NUDT3: variants seen among roughly 807,000 people sequenced by gnomAD.
The protein encoded by NUDT3 is nudix hydrolase 3, also known as diphosphoinositol polyphosphate phosphohydrolase 1.
In NUDT3, 9 loss-of-function variants were observed where a neutral mutation model predicts 23.6. The ratio of observed to expected loss-of-function variants is 0.38; its 90% confidence interval spans 0.23 to 0.66. NUDT3 has a LOEUF of 0.66. NUDT3 is among the 30% of genes least tolerant of loss of function. The pLI, the probability that NUDT3 is intolerant of heterozygous loss-of-function variation, is 0.52. For missense variants in NUDT3, 172 were observed against 218.5 expected, an observed-to-expected ratio of 0.79 and a Z score of 1.34; for synonymous variants, 86 against 82.6, an observed-to-expected ratio of 1.04 and a Z score of -0.22.
chr6:34,302,030 C>CTTTA (rs546376433), intron 2 of NUDT3, among the ~76,000 whole-genome samples: 385 of 151,998 alleles, frequency 2.5e-3, no homozygotes, highest in African/African-American at 6.4e-3. Context: ...TTCTTTGTAT[C>CTTTA]TTTATTTATT....
At chr6:34,381,648 C>A (rs1049458565) in intron 1 of NUDT3, among the ~76,000 whole-genome samples, 3 of 152,142 alleles carry the variant, frequency 2.0e-5, no homozygotes, top group Non-Finnish European at 4.4e-5. Flanking sequence ...AACTGCAAAG[C>A]CTCCTAGGAA....
At chr6:34,313,721 G>C (rs577605031) in intron 2 of NUDT3, among the ~76,000 whole-genome samples, 21 of 152,094 alleles carry the variant, frequency 1.4e-4, no homozygotes, top group African/African-American at 5.1e-4. Flanking sequence ...CCAACACTTT[G>C]GGAGGCTGAG....
At chr6:34,312,983 A>G in intron 2 of NUDT3, among the ~76,000 whole-genome samples, 1 of 152,112 alleles carries the variant, frequency 6.6e-6, no homozygotes, top group East Asian at 1.9e-4. Context: ...CCTGGCCAAC[A>G]TGGCGAAACC....
At chr6:34,377,776 T>C (rs892091975) in intron 1 of NUDT3, among the ~76,000 whole-genome samples, 1 of 145,694 alleles carries the variant, frequency 6.9e-6, no homozygotes, top group Admixed American at 7.1e-5. Flanking sequence ...GAGGTGGCAG[T>C]GAGCCAAGAT....
intron 1 of NUDT3, among the ~76,000 whole-genome samples, chr6:34,387,817 A>T (rs1765132516): frequency 6.6e-6 from 1 of 152,140 alleles, no homozygotes; most frequent in Non-Finnish European, 1.5e-5. Flanking sequence ...TATAAAGTAA[A>T]AAAATTACAG....
rs1225190927 is a variant in NUDT3 at position 34,351,519 on chromosome 6, G to A, written c.100-9547C>T. Among the ~76,000 whole-genome samples the A allele has an allele frequency of 4.0e-5, 6 of 149,078 alleles. 1 individual carries two copies. The highest frequency in any genetic ancestry group is 1.5e-4 in the African/African-American group (6 of 39,788). ...CACTTTGGGAGGCCAAGGCGGGCAT[G>A]TCACCTGAGGTCAGGAGTTCGAGAC... On this transcript the variant is annotated intron_variant, in intron 1 of 4. Transcript: ENST00000607016.
chr6:34,368,788 G>A (rs1764782541), intron 1 of NUDT3, among the ~76,000 whole-genome samples: 1 of 152,048 alleles, frequency 6.6e-6, no homozygotes, highest in Admixed American at 6.5e-5. Context: ...ACAGGCTCCC[G>A]CCACCACACC....
intron 1 of NUDT3, among the ~76,000 whole-genome samples, chr6:34,347,070 C>CA (rs1764383293): frequency 6.6e-6 from 1 of 152,168 alleles, no homozygotes; most frequent in African/African-American, 2.4e-5. Flanking sequence ...TGCCCACCCA[C>CA]AAAAATTTTT....
At chr6:34,356,323 A>G (rs1764560781) in intron 1 of NUDT3, among the ~76,000 whole-genome samples, 1 of 152,218 alleles carries the variant, frequency 6.6e-6, no homozygotes, top group African/African-American at 2.4e-5. Context: ...ATAGTTGTTC[A>G]CAATATTCCC....
At chr6:34,342,304 AAAAAAAAAAAG>A (rs1764301013) in intron 1 of NUDT3, among the ~76,000 whole-genome samples, 1 of 151,100 alleles carries the variant, frequency 6.6e-6, no homozygotes, top group Admixed American at 6.6e-5. Context: ...AAAAAAAAAA[AAAAAAAAAAAG>A]AGGATTGTCA....
Position 34,383,251 on chromosome 6 carries a change from A to G in NUDT3, c.99+9013T>C, listed in dbSNP as rs115871634. On this transcript the variant is annotated intron_variant, in intron 1 of 4. Transcript: ENST00000607016. ...CATTGCTAAGCTGCTCTTACAAAAC[A>G]CATCAGAAATATGTTAAATAACCAA... Among the ~76,000 whole-genome samples, 519 of 152,340 alleles carry G rather than the reference A, an allele frequency of 3.4e-3. 5 individuals carry two copies. The highest frequency in any genetic ancestry group is 7.6e-3 in the Admixed American group (117 of 15,312).
chr6:34,365,861 G>T (rs1431239913), intron 1 of NUDT3, among the ~76,000 whole-genome samples: 1 of 152,106 alleles, frequency 6.6e-6, no homozygotes, highest in Non-Finnish European at 1.5e-5. Context: ...GGCCAACATG[G>T]TGAAAGCTCG....
chr6:34,351,609 G>A (rs749239467), intron 1 of NUDT3, among the ~76,000 whole-genome samples: 14 of 149,268 alleles, frequency 9.4e-5, no homozygotes, highest in African/African-American at 2.0e-4. Flanking sequence ...GGGCGTGGTC[G>A]TGGGCGCTTG....
intron 3 of NUDT3, 29 bp from the exon 4 acceptor site, chr6:34,293,564 G>C (rs1197685814): frequency 1.9e-6 from 3 of 1,612,440 alleles, no homozygotes; most frequent in Non-Finnish European, 2.5e-6. Flanking sequence ...AGGATAGAGA[G>C]AGTTTTTCCT....
chr6:34,376,432 C>A (rs1209034119), intron 1 of NUDT3, among the ~76,000 whole-genome samples: 3 of 152,112 alleles, frequency 2.0e-5, no homozygotes, highest in Admixed American at 6.6e-5. Context: ...GCATGCACCA[C>A]CATGCACAGC....
At chr6:34,290,235 TTCTTTC>T (rs1349117189) in intron 4 of NUDT3, among the ~76,000 whole-genome samples, 2 of 151,302 alleles carry the variant, frequency 1.3e-5, no homozygotes, top group African/African-American at 4.9e-5. Context: ...TCTTTTCTTT[TTCTTTC>T]TCTCTTTTTT....
intron 1 of NUDT3, among the ~76,000 whole-genome samples, chr6:34,355,848 G>A (rs1764553159): frequency 6.6e-6 from 1 of 152,152 alleles, no homozygotes. Flanking sequence ...CTTCCAGATA[G>A]CTGAACATGT....
At chr6:34,338,620 G>A (rs1007097646) in intron 2 of NUDT3, among the ~76,000 whole-genome samples, 1 of 152,122 alleles carries the variant, frequency 6.6e-6, no homozygotes, top group African/African-American at 2.4e-5. Flanking sequence ...TATGAGGAAG[G>A]TGCAGACTCT....
chr6:34,324,385 G>A (rs1763991735), intron 2 of NUDT3, among the ~76,000 whole-genome samples: 1 of 151,584 alleles, frequency 6.6e-6, no homozygotes. Flanking sequence ...CAGAATAAGA[G>A]CCTTGTTTAG....
Sources: allele counts gnomAD v4.1 joint callset (sites outside exome capture counted in the v4.1 genomes callset), GRCh38; gene constraint gnomAD v4.1.1; transcripts MANE v1.5; gene names NCBI Gene and HGNC (gene_info 2026-07-23, HGNC 2026-07-21).